Variants in GPATCH1 observed in about 807,000 individuals in gnomAD.
The protein encoded by GPATCH1 is G-patch domain containing 1.
A neutral mutation model predicts 114.9 loss-of-function variants in GPATCH1; 73 were observed. That is an observed-to-expected ratio of 0.64 (90% CI 0.53 to 0.77). The LOEUF (loss-of-function observed/expected upper bound fraction) is 0.77. Ranked by LOEUF, GPATCH1 falls within the 30% of genes least tolerant of loss-of-function variation. The pLI is 0.00. For missense variants in GPATCH1, 1,058 were observed against 1,144.3 expected, an observed-to-expected ratio of 0.92 and a Z score of 1.09; for synonymous variants, 391 against 428.4, an observed-to-expected ratio of 0.91 and a Z score of 1.08.
chr19:33,094,699 T>C (rs916222634), intron 5 of GPATCH1, among the ~76,000 whole-genome samples: 9 of 152,194 alleles, frequency 5.9e-5, no homozygotes, highest in Non-Finnish European at 1.3e-4. Flanking sequence ...TCCCCCAAGC[T>C]GTCACAGTTT....
rs777438541 is a variant in GPATCH1 at position 33,106,845 on chromosome 19, C to T, written c.1231C>T (p.His411Tyr). The change falls in exon 10 of 20, where the codon CAC becomes TAC. Residue 411 changes from histidine (H) to tyrosine (Y), a missense_variant. Coordinates refer to ENST00000170564, the MANE Select transcript of GPATCH1 (RefSeq NM_018025.3). ...ATPDPGTHSK[H>Y]QLNASKRAEL... is the part of the protein sequence containing the mutation. ...GCCTGACCCAGGGACACACAGTAAG[C>T]ACCAACTGAATGCCTCCAAACGGGC... is the stretch of plus-strand genomic sequence containing the variant. The T allele has an allele frequency of 2.5e-6, 4 of 1,613,920 alleles. No individual in the cohort carries two copies. Among genetic ancestry groups the T allele is most frequent in the African/African-American group, 2.7e-5 (2 of 74,882 alleles).
intron 9 of GPATCH1, among the ~76,000 whole-genome samples, chr19:33,105,438 A>G (rs1377564427): frequency 6.6e-6 from 1 of 151,622 alleles, no homozygotes; most frequent in African/African-American, 2.4e-5. Context: ...AGAAAAAGAA[A>G]AAAGAAAGCC....
chr19:33,081,418 G>A, intron 1 of GPATCH1, 152 bp downstream of exon 1: 1 of 696,586 alleles, frequency 1.4e-6, no homozygotes. Flanking sequence ...GCGCTCTCGG[G>A]GTGCTCACCT....
chr19:33,089,556 C>T (rs935603004), intron 2 of GPATCH1, among the ~76,000 whole-genome samples: 11 of 151,468 alleles, frequency 7.3e-5, no homozygotes, highest in Admixed American at 2.6e-4. Flanking sequence ...ATAGTGAGCA[C>T]GGAAGATGAA....
At chr19:33,092,231 A>G (rs559032538) in intron 3 of GPATCH1, among the ~76,000 whole-genome samples, 7 of 151,904 alleles carry the variant, frequency 4.6e-5, no homozygotes, top group Admixed American at 4.6e-4. Flanking sequence ...TTGTATTTTT[A>G]GTAGAGACGG....
chr19:33,087,512 G>A (rs1322673756), intron 1 of GPATCH1, among the ~76,000 whole-genome samples: 3 of 152,006 alleles, frequency 2.0e-5, no homozygotes, highest in Non-Finnish European at 2.9e-5. Flanking sequence ...CTTAGGAGTC[G>A]GGGAAAATAG....
At position 33,130,129 on chromosome 19, in the gene GPATCH1, G is replaced by A; in HGVS notation, c.2766-1G>A. 6.2e-7 allele frequency: 1 copy of A among 1,610,594 alleles called. No individual in the cohort carries two copies. Among genetic ancestry groups the A allele is most frequent in the Non-Finnish European group, 8.5e-7 (1 of 1,176,998 alleles). Reference sequence around the variant, plus strand: ...TCTCTCTTTTCTGTTTTCTTTTCCAGGCTGAAAAGTCTTCCACTAAGAAGG... The same window carrying A: ...TCTCTCTTTTCTGTTTTCTTTTCCAAGCTGAAAAGTCTTCCACTAAGAAGG... On this transcript the variant is annotated splice_acceptor_variant, in intron 19 of 19. Coordinates refer to ENST00000170564, the MANE Select transcript of GPATCH1 (RefSeq NM_018025.3). LOFTEE classifies it high-confidence loss of function.
At chr19:33,129,758 A>G (rs1973081994) in intron 19 of GPATCH1, among the ~76,000 whole-genome samples, 1 of 152,138 alleles carries the variant, frequency 6.6e-6, no homozygotes, top group South Asian at 2.1e-4. Flanking sequence ...AGCCTGGCCA[A>G]CATGGTGAAA....
rs1031161236 is a variant in GPATCH1 at position 33,125,546 on chromosome 19, G to A, written c.2619+344G>A. 3.3e-5 allele frequency among the ~76,000 whole-genome samples: 5 copies of A among 151,766 alleles called. No individual in the cohort carries two copies. In the South Asian group the frequency reaches 8.3e-4, roughly 25 times the overall value. Reference sequence around the variant, plus strand: ...ACCACAGGTGTGCACCACCACACCCGGCTAATTTTTTGTATTTTTAGTAGA... The same window carrying A: ...ACCACAGGTGTGCACCACCACACCCAGCTAATTTTTTGTATTTTTAGTAGA... On this transcript the variant is annotated intron_variant, in intron 18 of 19. Coordinates refer to ENST00000170564, the MANE Select transcript of GPATCH1 (RefSeq NM_018025.3).
In GPATCH1 at chr19:33,090,789, C is replaced by T. The variant is rs1972585659; in HGVS notation, c.218C>T (p.Pro73Leu). ...ACTCTTTTTTTTTCAGGATGGACAC[C>T]CTCTACCTTTGTGTCTTCACGACAG... The part of the protein sequence containing the change: ...NTVGSKEGWT[P>L]STFVSSRQNR... Residue 73 changes from proline (P) to leucine (L), a missense_variant, in exon 3 of 20, where the codon CCC (proline) becomes CTC (leucine). Physicochemically the swap from Pro to Leu is moderately conservative, Grantham distance 98. Around this residue, in one of 3 missense-constraint regions of GPATCH1, gnomAD observed 131 missense variants for 107.2 expected, o/e 1.22. Transcript: ENST00000170564. 1 of 1,609,232 alleles carries T rather than the reference C, an allele frequency of 6.2e-7. No individual in the cohort carries two copies. Among genetic ancestry groups the T allele is most frequent in the Non-Finnish European group, 8.5e-7 (1 of 1,175,870 alleles).
Position 33,111,872 on chromosome 19 carries a change from A to T in GPATCH1, c.1734A>T (p.Ser578=). 6.2e-7 allele frequency: 1 copy of T among 1,614,108 alleles called. No homozygotes were observed. The highest frequency in any genetic ancestry group is 8.5e-7 in the Non-Finnish European group (1 of 1,179,954). The stretch of plus-strand genomic sequence containing the variant: ...CTCACGCCAAGGAGGAGGATGACTC[A>T]GATCAGGTTGAAGTCCCTCGAGACC... ...RFTHAKEEDD[S]DQVEVPRDQE... The change falls in exon 12 of 20, where the codon TCA becomes TCT. Residue 578 remains serine, a synonymous_variant. Transcript: ENST00000170564.
At chr19:33,082,842 A>G (rs1271440314) in intron 1 of GPATCH1, among the ~76,000 whole-genome samples, 1 of 151,846 alleles carries the variant, frequency 6.6e-6, no homozygotes, top group Non-Finnish European at 1.5e-5. Flanking sequence ...TGTGTTGACC[A>G]TGCTGGTTTC....
intron 11 of GPATCH1, among the ~76,000 whole-genome samples, chr19:33,111,040 G>T (rs6510348): frequency 1.3e-5 from 2 of 148,856 alleles, no homozygotes; most frequent in Non-Finnish European, 3.0e-5. Context: ...TTTTTTGAAC[G>T]GAGTCTTGCT....
At chr19:33,095,644 C>T (rs1003849274) in intron 5 of GPATCH1, 118 bp from the exon 6 acceptor site, 7 of 738,594 alleles carry the variant, frequency 9.5e-6, no homozygotes, top group Middle Eastern at 2.9e-4. Flanking sequence ...TCAAGCGATC[C>T]TCTCACCTCA....
chr19:33,119,078 G>C lies in GPATCH1; in HGVS notation c.2482G>C (p.Glu828Gln). Residue 828 changes from glutamate to glutamine, a missense_variant, in exon 17 of 20, where the codon GAA becomes CAA. By Grantham distance (29) the Glu-to-Gln change is conservative. Transcript: ENST00000170564. ...ACAAAAGATGCAGATAGATGAAAGAGAAGAGTTCGGCCCGCGGCTGCCTCC... is the reference window on the plus strand; with the variant it reads ...ACAAAAGATGCAGATAGATGAAAGACAAGAGTTCGGCCCGCGGCTGCCTCC... Reference protein sequence around the residue: ...PIQKMQIDEREEFGPRLPPVF... With the variant: ...PIQKMQIDERQEFGPRLPPVF... 1 of 1,613,226 alleles carries C rather than the reference G, an allele frequency of 6.2e-7. No homozygotes were observed. Among genetic ancestry groups the C allele is most frequent in the Non-Finnish European group, 8.5e-7 (1 of 1,179,684 alleles).
At position 33,118,102 on chromosome 19, in the gene GPATCH1, C is replaced by T. The variant is rs1972937156; in HGVS notation, c.2413+61C>T. 12 of 1,090,618 alleles carry T rather than the reference C, an allele frequency of 1.1e-5. No individual in the cohort carries two copies. In the Admixed American group the frequency reaches 1.8e-4, roughly 17 times the overall value. 67.6% of individuals were successfully genotyped at this position (1,090,618 alleles called of 1,614,324 possible). On this transcript the variant is annotated intron_variant, in intron 16 of 19. Transcript: ENST00000170564. Reference sequence around the variant, plus strand: ...GAAGACAATGACTCTAGGACAGCTGCTTCTCTGTTTACTCTATAATCTTAA... The same window carrying T: ...GAAGACAATGACTCTAGGACAGCTGTTTCTCTGTTTACTCTATAATCTTAA...
rs1459263499 is a variant in GPATCH1, at chr19:33,117,896, C to T, written c.2268C>T (p.Ala756=). 6.2e-7 allele frequency: 1 copy of T among 1,613,778 alleles called. No individual in the cohort carries two copies. Among genetic ancestry groups the T allele is most frequent in the African/African-American group, 1.3e-5 (1 of 74,884 alleles). ...GCCCATCCATGGACTTATTCAGGGC[C>T]ATCTTTGCCAGTTCCTCAGATGAAA... ...GSRPSMDLFR[A]IFASSSDEKS... is the part of the protein sequence containing the mutation. The change falls in exon 16 of 20, where the codon GCC becomes GCT. Residue 756 remains alanine (A), a synonymous_variant. Coordinates refer to ENST00000170564, the MANE Select transcript of GPATCH1 (RefSeq NM_018025.3).
chr19:33,093,267 T>A (rs1271553042), intron 3 of GPATCH1, 92 bp from the exon 4 acceptor site: 2 of 805,028 alleles, frequency 2.5e-6, no homozygotes, highest in Non-Finnish European at 3.7e-6. Flanking sequence ...TTTGTAGTTT[T>A]AACTTTTTTT....
rs1973088730 is a variant in GPATCH1 at position 33,130,184 on chromosome 19, T to G, written c.*24T>G. ...AATTGAATGCTGCCCTGGCTCGTCC[T>G]AGAATCATTTCTCCTCCATGATGGA... On this transcript the variant is annotated 3_prime_UTR_variant, in exon 20 of 20. Transcript: ENST00000170564. 1 of 1,560,694 alleles carries G rather than the reference T, an allele frequency of 6.4e-7. No homozygotes were observed. Among genetic ancestry groups the G allele is most frequent in the South Asian group, 1.1e-5 (1 of 89,994 alleles).
Sources: gnomAD v4.1 joint callset for allele counts (sites outside exome capture counted in the v4.1 genomes callset) on GRCh38, gnomAD v4.1.1 for gene constraint, gnomAD v4.1.1 regional missense constraint, MANE v1.5 for transcripts, NCBI Gene and HGNC (gene_info 2026-07-23, HGNC 2026-07-21) for gene names.